Variants in PREX2 observed in about 807,000 individuals in gnomAD.
PREX2 encodes phosphatidylinositol 3,4,5-trisphosphate-dependent Rac exchanger 2 protein.
PREX2 carries 107 observed loss-of-function variants against 203.2 expected under a neutral mutation model. That is an observed-to-expected ratio of 0.53 (90% CI 0.45 to 0.62). PREX2 has a LOEUF of 0.62. Ranked by LOEUF, PREX2 falls within the 20% of genes least tolerant of loss-of-function variation. PREX2 has a pLI of 0.00. For missense variants in PREX2, 1,777 were observed against 1,955.9 expected (o/e 0.91, Z 1.72); for synonymous variants, 672 against 663.6 (o/e 1.01, Z -0.19).
intron 33 of PREX2, among the ~76,000 whole-genome samples, chr8:68,143,187 C>G (rs1811259185): frequency 6.6e-6 from 1 of 152,034 alleles, no homozygotes; most frequent in Non-Finnish European, 1.5e-5. Flanking sequence ...TAATTGTAAT[C>G]CCCAGTGTTG....
chr8:68,105,210 A>T, intron 23 of PREX2: 1 of 1,367,790 alleles, frequency 7.3e-7, no homozygotes, highest in Non-Finnish European at 9.8e-7. Context: ...TGATCTTCAC[A>T]GTGTAAGCAG....
chr8:68,057,334 G>C (rs10091252), intron 10 of PREX2, among the ~76,000 whole-genome samples: 5 of 152,044 alleles, frequency 3.3e-5, no homozygotes, highest in Non-Finnish European at 7.4e-5. Context: ...TTACCCAGTC[G>C]TGGGTACTTA....
rs183402997 is a variant in PREX2 at position 68,146,114 on chromosome 8, C to A, written c.4088-95C>A. On this transcript the variant is annotated intron_variant, in intron 33 of 39. Coordinates refer to ENST00000288368, the MANE Select transcript of PREX2 (RefSeq NM_024870.4). ...ATGATCACGTTTAATATATTGGTGT[C>A]GAGTAATTCTCAGGATTCTTTCTGA... The A allele has an allele frequency of 7.6e-5, 60 of 785,982 alleles. No homozygotes were observed. The African/African-American group carries it at 8.0e-4, about 11-fold the overall frequency. 48.7% of individuals were successfully genotyped at this position (785,982 alleles called of 1,614,324 possible). A position where few individuals can be genotyped will look rare whatever the true frequency, so the allele number is the denominator to read the frequency against.
At chr8:68,206,780 T>A (rs546804218) in intron 37 of PREX2, among the ~76,000 whole-genome samples, 62 of 152,334 alleles carry the variant, frequency 4.1e-4, no homozygotes, top group African/African-American at 1.3e-3. Context: ...AGCACTTTGC[T>A]ACCCCAGCCT....
intron 6 of PREX2, among the ~76,000 whole-genome samples, chr8:68,034,749 T>G (rs1807982020): frequency 6.6e-6 from 1 of 152,278 alleles, no homozygotes; most frequent in African/African-American, 2.4e-5. Flanking sequence ...TTTGATTGAG[T>G]TTGTGCCTGA....
At chr8:68,154,652 C>T (rs992579695) in intron 34 of PREX2, among the ~76,000 whole-genome samples, 2 of 152,192 alleles carry the variant, frequency 1.3e-5, no homozygotes, top group Non-Finnish European at 2.9e-5. Flanking sequence ...ACCAGAATTT[C>T]GTTGAGCCAG....
At chr8:67,997,108 G>A (rs911842095) in intron 1 of PREX2, among the ~76,000 whole-genome samples, 3 of 152,142 alleles carry the variant, frequency 2.0e-5, no homozygotes, top group African/African-American at 2.4e-5. Flanking sequence ...TATGCCCATT[G>A]TGTTTATAGC....
At chr8:68,095,747 C>T (rs577839424) in intron 21 of PREX2, among the ~76,000 whole-genome samples, 43 of 151,720 alleles carry the variant, frequency 2.8e-4, no homozygotes, top group Middle Eastern at 3.4e-3. Flanking sequence ...AGTGATCCGC[C>T]GTCAGTTCCC....
At chr8:68,223,910 G>A (rs1813006782) in intron 38 of PREX2, among the ~76,000 whole-genome samples, 1 of 152,236 alleles carries the variant, frequency 6.6e-6, no homozygotes, top group African/African-American at 2.4e-5. Flanking sequence ...GTGCACAGGT[G>A]TGATAAAACT....
At chr8:67,988,090 C>G (rs948710987) in intron 1 of PREX2, among the ~76,000 whole-genome samples, 2 of 152,212 alleles carry the variant, frequency 1.3e-5, no homozygotes, top group African/African-American at 4.8e-5. Flanking sequence ...TATCTGAACA[C>G]CTCTACCTTC....
Position 68,093,723 on chromosome 8 carries a change from G to A in PREX2, c.2368+1G>A, listed in dbSNP as rs2129612370. The A allele has an allele frequency of 6.7e-7, 1 of 1,496,610 alleles. No homozygotes were observed. The highest frequency in any genetic ancestry group is 1.4e-5 in the African/African-American group (1 of 72,052). 92.7% of individuals were successfully genotyped at this position (1,496,610 alleles called of 1,614,324 possible). A position where few individuals can be genotyped will look rare whatever the true frequency, so the allele number is the denominator to read the frequency against. ...GATGCTTTTGACTGTAAAGTAGAAGGTAGGTTTCTTATTTTCTTCTTCATG... is the reference window on the plus strand; with the variant it reads ...GATGCTTTTGACTGTAAAGTAGAAGATAGGTTTCTTATTTTCTTCTTCATG... On this transcript the variant is annotated splice_donor_variant, in intron 21 of 39. Transcript: ENST00000288368. LOFTEE classifies it high-confidence loss of function.
chr8:68,050,679 A>G (rs1808503008), intron 8 of PREX2, among the ~76,000 whole-genome samples: 2 of 152,198 alleles, frequency 1.3e-5, no homozygotes, highest in African/African-American at 2.4e-5. Flanking sequence ...GATCAATCAC[A>G]TGCTCACTTA....
intron 11 of PREX2, among the ~76,000 whole-genome samples, chr8:68,061,635 T>C (rs1279338552): frequency 6.6e-6 from 1 of 152,124 alleles, no homozygotes; most frequent in Admixed American, 6.6e-5. Context: ...AGAGAGAGAT[T>C]AAAGTATTCT....
At chr8:68,156,182 T>C (rs1006471948) in intron 34 of PREX2, among the ~76,000 whole-genome samples, 7 of 152,176 alleles carry the variant, frequency 4.6e-5, no homozygotes, top group African/African-American at 1.7e-4. Flanking sequence ...CACTTCAGCC[T>C]CCTGAGTAAC....
In PREX2 at chr8:68,150,998, T is replaced by A. The variant is rs149290760; in HGVS notation, c.4231+4646T>A. On this transcript the variant is annotated intron_variant, in intron 34 of 39. Transcript: ENST00000288368. The stretch of plus-strand genomic sequence containing the variant: ...CACACGGTCTTCTTCCCTCTGTGTG[T>A]GTCTGTCTCTGTGTTTCTACATACA... 3.3e-5 allele frequency among the ~76,000 whole-genome samples: 5 copies of A among 152,304 alleles called. No individual in the cohort carries two copies. In the East Asian group the frequency reaches 9.7e-4, roughly 29 times the overall value.
rs533235246 is a variant in PREX2 at position 68,024,308 on chromosome 8, T to C, written c.441+2168T>C. Among the ~76,000 whole-genome samples, 7 of 152,164 alleles carry C rather than the reference T, an allele frequency of 4.6e-5. No homozygotes were observed. The South Asian group carries it at 1.5e-3, about 32-fold the overall frequency. Reference sequence around the variant, plus strand: ...GAAATCTCCATGTATAATTAAATTATCTATTTTACCCTTTAACTCTGTCCA... The same window carrying C: ...GAAATCTCCATGTATAATTAAATTACCTATTTTACCCTTTAACTCTGTCCA... On this transcript the variant is annotated intron_variant, in intron 4 of 39. Coordinates refer to ENST00000288368, the MANE Select transcript of PREX2 (RefSeq NM_024870.4).
intron 26 of PREX2, among the ~76,000 whole-genome samples, chr8:68,117,458 T>C (rs771061627): frequency 1.3e-5 from 2 of 152,230 alleles, no homozygotes; most frequent in Non-Finnish European, 2.9e-5. Flanking sequence ...TCATTTACTT[T>C]TCACTTCTAA....
At chr8:68,149,922 T>C (rs1209142447) in intron 34 of PREX2, among the ~76,000 whole-genome samples, 3 of 152,246 alleles carry the variant, frequency 2.0e-5, no homozygotes, top group African/African-American at 7.2e-5. Context: ...TTACAAATGT[T>C]CAGCATGTCT....
intron 8 of PREX2, among the ~76,000 whole-genome samples, chr8:68,051,610 A>G (rs746563160): frequency 8.5e-5 from 13 of 152,158 alleles, no homozygotes; most frequent in Non-Finnish European, 1.6e-4. Flanking sequence ...TTGCACTGTA[A>G]TTATGAAGTA....
Sources: allele counts gnomAD v4.1 joint callset (sites outside exome capture counted in the v4.1 genomes callset), GRCh38; gene constraint gnomAD v4.1.1; transcripts MANE v1.5; gene names NCBI Gene and HGNC (gene_info 2026-07-23, HGNC 2026-07-21).